The following NCOA6 variants were observed in gnomAD, a reference collection of about 807,000 sequenced individuals.
NCOA6 encodes the protein NRC RAP250.
NCOA6 carries 49 observed loss-of-function variants against 171.4 expected under a neutral mutation model. The ratio of observed to expected loss-of-function variants is 0.29; its 90% CI spans 0.23 to 0.36. NCOA6 has a LOEUF of 0.36. NCOA6 is among the 10% of genes least tolerant of loss of function. The probability of loss-of-function intolerance (pLI) is 1.00; values close to 1 mark genes in which losing one functional copy is unlikely to be tolerated. For missense variants in NCOA6, 2,248 were observed against 2,554.5 expected (o/e 0.88, Z 2.59); for synonymous variants, 910 against 927.5 (o/e 0.98, Z 0.34).
Position 34,757,354 on chromosome 20 carries a change from T to C in NCOA6, c.1394A>G (p.Gln465Arg), listed in dbSNP as rs763296129. ...PRPPQNNPLP[Q>R]GFQQPVSSPG... ...AGAGCTGACAGGCTGCTGAAATCCC[T>C]GGGGAAGTGGGTTATTTTGAGGTGG... Residue 465 changes from glutamine to arginine, a missense_variant, in exon 7 of 15, where the codon CAG becomes CGG. Physicochemically the swap from Gln to Arg is conservative, Grantham distance 43. Coordinates refer to ENST00000359003, the MANE Select transcript of NCOA6 (RefSeq NM_014071.5). The C allele has an allele frequency of 1.9e-6, 3 of 1,614,132 alleles. No homozygotes were observed. The highest frequency in any genetic ancestry group is 4.5e-5 in the East Asian group (2 of 44,880).
intron 1 of NCOA6, 142 bp from the exon 2 acceptor site, chr20:34,792,705 A>G (rs2077928094): frequency 2.6e-6 from 1 of 391,338 alleles, no homozygotes; most frequent in Non-Finnish European, 4.5e-6. Flanking sequence ...CAAGTTATCA[A>G]GTCAGCATTG....
In NCOA6 at chr20:34,740,474, A is replaced by C; in HGVS notation, c.5782T>G (p.Ser1928Ala). ...VTTLVPSELI[S>A]AVPTTKSNHG... is the part of the protein sequence containing the mutation. ...TTGCTTTTTGTGGTCGGTACGGCGGAGATGAGCTCGGAGGGTACCAGAGTG... is the reference window on the plus strand; with the variant it reads ...TTGCTTTTTGTGGTCGGTACGGCGGCGATGAGCTCGGAGGGTACCAGAGTG... Residue 1928 changes from serine (S) to alanine (A), a missense_variant, in exon 11 of 15, where the codon TCC (serine) becomes GCC (alanine). Ser to Ala is a moderately conservative substitution (Grantham distance 99, BLOSUM62 1). Transcript: ENST00000359003. 6.2e-7 allele frequency: 1 copy of C among 1,614,172 alleles called. No homozygotes were observed. The highest frequency in any genetic ancestry group is 8.5e-7 in the Non-Finnish European group (1 of 1,180,032).
chr20:34,751,377 A>AAAAAAAAAAAAAAAAAAAAAAAAAAAC (rs2076481523), intron 8 of NCOA6, among the ~76,000 whole-genome samples: 1 of 33,128 alleles, frequency 3.0e-5, no homozygotes, highest in Non-Finnish European at 6.5e-5. Flanking sequence ...ACTCCGTCTC[A>AAAAAAAAAAAAAAAAAAAAAAAAAAAC]AAAAAAAAAA....
In NCOA6 at chr20:34,757,914, T is replaced by TTGC. The variant is rs760260408; in HGVS notation, c.833_834insGCA (p.Gln285dup). ...GCAACTGTTGTTGCTGCTGTTGCTG[T>TTGC]TGTTGCTGCTGCTGCTGCTGCTGCT... On this transcript the variant is annotated inframe_insertion, in exon 7 of 15. Transcript: ENST00000359003. The TTGC allele has an allele frequency of 2.4e-5, 39 of 1,613,342 alleles. No individual in the cohort carries two copies. In the East Asian group the frequency reaches 8.7e-4, roughly 36 times the overall value.
At chr20:34,819,145 C>T (rs758640349) in intron 1 of NCOA6, among the ~76,000 whole-genome samples, 15 of 152,208 alleles carry the variant, frequency 9.9e-5, no homozygotes, top group Non-Finnish European at 1.8e-4. Context: ...GCCATCCCCC[C>T]CACCATCCCA....
Position 34,731,266 on chromosome 20 carries a change from T to C in NCOA6, c.5999+1293A>G, listed in dbSNP as rs764986241. 5.4e-4 allele frequency among the ~76,000 whole-genome samples: 82 copies of C among 152,142 alleles called. 1 individual carries two copies. Among genetic ancestry groups the C allele is most frequent in the Admixed American group, 7.2e-4 (11 of 15,270 alleles). ...AACTCCTGACCTCAAATGATCTGCC[T>C]GCCTCGGCCTCCCAAAGTGCTGGGA... On this transcript the variant is annotated intron_variant, in intron 13 of 14. Transcript: ENST00000359003.
chr20:34,788,657 G>A (rs1260097660), intron 2 of NCOA6, among the ~76,000 whole-genome samples: 1 of 152,126 alleles, frequency 6.6e-6, no homozygotes, highest in African/African-American at 2.4e-5. Flanking sequence ...GGACATATAG[G>A]TTTTAAAGTT....
Position 34,740,739 on chromosome 20 carries a change from AAGAGAGCCTG to A in NCOA6, c.5507_5516del (p.Thr1836MetfsTer19), listed in dbSNP as rs2076113901. On this transcript the variant is annotated frameshift_variant, in exon 11 of 15. Coordinates refer to ENST00000359003, the MANE Select transcript of NCOA6 (RefSeq NM_014071.5). LOFTEE classifies it high-confidence loss of function. ...CACCATATTGTTCTTCCCCTTTCTC[AAGAGAGCCTG>A]TAACTTTCTTACATGCCTTGGTCAA... The A allele has an allele frequency of 1.2e-6, 2 of 1,614,018 alleles. No homozygotes were observed. Among genetic ancestry groups the A allele is most frequent in the Non-Finnish European group, 1.7e-6 (2 of 1,180,026 alleles).
intron 8 of NCOA6, among the ~76,000 whole-genome samples, chr20:34,753,179 G>A (rs2145758677): frequency 6.6e-6 from 1 of 150,628 alleles, no homozygotes; most frequent in South Asian, 2.1e-4. Context: ...TTAAGTAGCT[G>A]GGATTACAAG....
At chr20:34,743,490 C>T (rs545352730) in intron 10 of NCOA6, 149 bp from the exon 11 acceptor site, 2 of 790,152 alleles carry the variant, frequency 2.5e-6, no homozygotes, top group East Asian at 5.3e-5. Context: ...AGGGGGCAGC[C>T]CCTCATTACT....
intron 3 of NCOA6, among the ~76,000 whole-genome samples, chr20:34,778,924 A>T (rs1425436530): frequency 7.0e-6 from 1 of 142,664 alleles, no homozygotes; most frequent in Non-Finnish European, 1.5e-5. Flanking sequence ...GCACCACTGC[A>T]CTCCAGCCTG....
At chr20:34,754,692 T>C in intron 8 of NCOA6, 30 bp downstream of exon 8, 1 of 1,613,838 alleles carries the variant, frequency 6.2e-7, no homozygotes, top group Admixed American at 1.7e-5. Flanking sequence ...GCTCAATAAA[T>C]GCTGGCTAAA....
chr20:34,721,666 C>G (rs937110460), intron 14 of NCOA6, among the ~76,000 whole-genome samples: 4 of 152,156 alleles, frequency 2.6e-5, no homozygotes, highest in African/African-American at 9.7e-5. Context: ...GGCAGTAATG[C>G]TCGCTTGCCC....
At chr20:34,717,311 G>A (rs1260706227) in intron 14 of NCOA6, among the ~76,000 whole-genome samples, 1 of 152,164 alleles carries the variant, frequency 6.6e-6, no homozygotes, top group African/African-American at 2.4e-5. Flanking sequence ...TTAGCCAGGT[G>A]TGGTGGTGCA....
chr20:34,717,584 T>G (rs1051317891), intron 14 of NCOA6, among the ~76,000 whole-genome samples: 3 of 152,222 alleles, frequency 2.0e-5, no homozygotes, highest in Admixed American at 1.3e-4. Flanking sequence ...TGTTTTTTTT[T>G]GTGCCATGTG....
chr20:34,716,889 A>G (rs1988670440), intron 14 of NCOA6, among the ~76,000 whole-genome samples: 1 of 152,152 alleles, frequency 6.6e-6, no homozygotes, highest in Non-Finnish European at 1.5e-5. Flanking sequence ...TTTATTTCAT[A>G]TTCTGGTTTT....
chr20:34,813,049 C>T (rs908201621), intron 1 of NCOA6, among the ~76,000 whole-genome samples: 1 of 151,490 alleles, frequency 6.6e-6, no homozygotes, highest in African/African-American at 2.4e-5. Context: ...ATCCCAGCTA[C>T]TAGGGAGGCT....
At chr20:34,795,055 G>A (rs1217993970) in intron 1 of NCOA6, among the ~76,000 whole-genome samples, 1 of 152,184 alleles carries the variant, frequency 6.6e-6, no homozygotes, top group East Asian at 1.9e-4. Context: ...ATCCTCGGTA[G>A]AGCGGCAAAG....
intron 5 of NCOA6, among the ~76,000 whole-genome samples, chr20:34,766,458 C>T (rs1341980916): frequency 6.6e-6 from 1 of 151,860 alleles, no homozygotes; most frequent in Admixed American, 6.6e-5. Context: ...CTACAAAAAA[C>T]AATACAAAAC....
Sources: allele counts gnomAD v4.1 joint callset (sites outside exome capture counted in the v4.1 genomes callset), GRCh38; gene constraint gnomAD v4.1.1; transcripts MANE v1.5; gene names NCBI Gene and HGNC (gene_info 2026-07-23, HGNC 2026-07-21).